Variants in TRRAP observed in about 807,000 individuals in gnomAD.
TRRAP encodes the protein transformation/transcription domain associated protein, also known as transformation/transcription domain-associated protein.
A neutral mutation model predicts 438.8 loss-of-function variants in TRRAP; 41 were observed. That is an observed-to-expected ratio of 0.09 (90% CI 0.07 to 0.12). The LOEUF is 0.12. TRRAP is among the 10% of genes least tolerant of loss of function. The pLI is 1.00. For missense variants in TRRAP, 3,122 were observed against 5,055.1 expected (o/e 0.62, Z 11.60); for synonymous variants, 1,994 against 1,962.9 (o/e 1.02, Z -0.42).
At position 98,903,371 on chromosome 7, in the gene TRRAP, T is replaced by G; in HGVS notation, c.898-8T>G. The G allele has an allele frequency of 1.2e-6, 2 of 1,614,180 alleles. No individual in the cohort carries two copies. Among genetic ancestry groups the G allele is most frequent in the Non-Finnish European group, 8.5e-7 (1 of 1,180,010 alleles). On this transcript the variant is annotated splice_polypyrimidine_tract_variant and splice_region_variant and intron_variant, in intron 11 of 72. Transcript: ENST00000456197. Reference sequence around the variant, plus strand: ...CTGTAACTGTGTCATCTCACTCTGTTCTTACAGGAGTTGGTGACTAAGTAT... The same window carrying G: ...CTGTAACTGTGTCATCTCACTCTGTGCTTACAGGAGTTGGTGACTAAGTAT...
In TRRAP at chr7:98,931,493, C is replaced by G; in HGVS notation, c.3680C>G (p.Ala1227Gly). Residue 1227 changes from alanine (A) to glycine (G), a missense_variant, in exon 26 of 73, where the codon GCC becomes GGC. Physicochemically the swap from Ala to Gly is moderately conservative, Grantham distance 60. This residue lies in a region of TRRAP where 153 missense variants were observed against 223.0 expected (regional missense o/e 0.69). Coordinates refer to ENST00000456197, the MANE Select transcript of TRRAP (RefSeq NM_001375524.1). ...ACGCCTTTAAAAGACGAGGAGAGAG[C>G]CGAAGAGATCGTGGCCGCCCAGGAA... is the stretch of plus-strand genomic sequence containing the variant. ...CATPLKDEERAEEIVAAQEKS... is the reference protein window; with the variant it reads ...CATPLKDEERGEEIVAAQEKS... 6.2e-7 allele frequency: 1 copy of G among 1,614,068 alleles called. No homozygotes were observed. The highest frequency in any genetic ancestry group is 8.5e-7 in the Non-Finnish European group (1 of 1,179,974).
Position 99,005,397 on chromosome 7 carries a change from TG to T in TRRAP, c.10753+53del. On this transcript the variant is annotated intron_variant, in intron 69 of 72. Coordinates refer to ENST00000456197, the MANE Select transcript of TRRAP (RefSeq NM_001375524.1). The surrounding 1 kb of genome is among the most constrained non-coding windows in gnomAD (Gnocchi z 5.1). ...CTGGGTACACAGGCAGCTTCACAGG[TG>T]GGGATGAGAGCCACACCTCGTGGGG... 6.3e-6 allele frequency: 10 copies of T among 1,585,574 alleles called. No individual in the cohort carries two copies. Among genetic ancestry groups the T allele is most frequent in the Non-Finnish European group, 8.7e-6 (10 of 1,156,062 alleles).
rs890393737 is a variant in TRRAP, at chr7:98,932,270, C to T, written c.3852+605C>T. 5.3e-5 allele frequency among the ~76,000 whole-genome samples: 8 copies of T among 152,134 alleles called. No individual in the cohort carries two copies. The South Asian group carries it at 8.3e-4, about 16-fold the overall frequency. ...CTGGGACTACAGGTGCCCACCACCA[C>T]ACCCGGCTAATTTTTTGTATTTTTA... On this transcript the variant is annotated intron_variant, in intron 26 of 72. Coordinates refer to ENST00000456197, the MANE Select transcript of TRRAP (RefSeq NM_001375524.1).
intron 12 of TRRAP, among the ~76,000 whole-genome samples, chr7:98,904,483 C>CAAAAAAAAAAA (rs59353514): frequency 2.2e-5 from 1 of 45,564 alleles, no homozygotes; most frequent in Non-Finnish European, 4.9e-5. Context: ...GACTCTGTCT[C>CAAAAAAAAAAA]AAAAAAAAAA....
Position 98,983,996 on chromosome 7 carries a change from CAT to C in TRRAP, c.9023-96_9023-95del, listed in dbSNP as rs146070894. 2.5e-3 allele frequency: 3,521 copies of C among 1,403,210 alleles called. 49 individuals carry two copies. In the African/African-American group the frequency reaches 0.037, roughly 15 times the overall value. The allele number at this position is 1,403,210 out of a possible 1,614,324, so 86.9% of individuals were successfully genotyped here. On this transcript the variant is annotated intron_variant, in intron 60 of 72. Coordinates refer to ENST00000456197, the MANE Select transcript of TRRAP (RefSeq NM_001375524.1). The stretch of plus-strand genomic sequence containing the variant: ...CACAGAGCTGCCCATTTTCATAAGC[CAT>C]GTGTGTGTGTGTTTCATTTTTTATT...
chr7:98,981,716 C>T (rs1404500399), intron 58 of TRRAP, 53 bp from the exon 59 acceptor site: 2 of 1,535,674 alleles, frequency 1.3e-6, no homozygotes, highest in East Asian at 2.4e-5. Context: ...TGACACTTTA[C>T]ACTGAGGGAA....
intron 52 of TRRAP, 94 bp downstream of exon 52, chr7:98,970,385 C>T (rs1266448671): frequency 9.0e-6 from 13 of 1,445,124 alleles, no homozygotes; most frequent in African/African-American, 1.4e-5. Context: ...AGACCCCGTG[C>T]CCCACGGGCA....
intron 10 of TRRAP, 146 bp downstream of exon 10, chr7:98,899,913 C>A (rs1796396808): frequency 1.3e-6 from 1 of 775,476 alleles, no homozygotes. Context: ...ACCTGTGTTT[C>A]AGGGATGACA....
rs541107244 is a variant in TRRAP, at chr7:98,880,474, C to T, written c.-61-616C>T. 6.6e-4 allele frequency among the ~76,000 whole-genome samples: 100 copies of T among 152,004 alleles called. 1 individual carries two copies. The South Asian group carries it at 0.019, about 29-fold the overall frequency. ...AGATGGGGTTTCATCATGTTGGCTA[C>T]GCTGGTCTGGAACTCCTGACCTCGT... On this transcript the variant is annotated intron_variant, in intron 1 of 72. Transcript: ENST00000456197.
In TRRAP at chr7:98,956,019, T is replaced by G; in HGVS notation, c.5938-127T>G. 8.7e-7 allele frequency: 1 copy of G among 1,153,218 alleles called. No individual in the cohort carries two copies. Among genetic ancestry groups the G allele is most frequent in the Non-Finnish European group, 1.2e-6 (1 of 834,234 alleles). 71.4% of individuals were successfully genotyped at this position (1,153,218 alleles called of 1,614,324 possible). A position where few individuals can be genotyped will look rare whatever the true frequency, so the allele number is the denominator to read the frequency against. On this transcript the variant is annotated intron_variant, in intron 41 of 72. Coordinates refer to ENST00000456197, the MANE Select transcript of TRRAP (RefSeq NM_001375524.1). This position sits in a 1 kb window ranked among gnomAD's most constrained non-coding sequence, Gnocchi z 4.5. ...GGATTCAGAATTCTTGAGCATCAAG[T>G]TGGGCTGTGTGTGTATGTTGGGGCT... is the stretch of plus-strand genomic sequence containing the variant.
chr7:98,962,170 C>A, intron 46 of TRRAP, 132 bp from the exon 47 acceptor site: 6 of 1,374,936 alleles, frequency 4.4e-6, no homozygotes, highest in Non-Finnish European at 5.0e-6. Flanking sequence ...GAGGCCCACA[C>A]TGTCCTGCAG....
At position 98,937,972 on chromosome 7, in the gene TRRAP, C is replaced by T. The variant is rs137930779; in HGVS notation, c.4404+152C>T. On this transcript the variant is annotated intron_variant, in intron 30 of 72. Transcript: ENST00000456197. Reference sequence around the variant, plus strand: ...GGTGGATCGCTTGCAGTTGGGAGTTCGAGACCAGACTGGCCAACATGGTGA... The same window carrying T: ...GGTGGATCGCTTGCAGTTGGGAGTTTGAGACCAGACTGGCCAACATGGTGA... 1.6e-3 allele frequency: 1,253 copies of T among 778,636 alleles called. 26 individuals carry two copies. In the East Asian group the frequency reaches 0.039, roughly 24 times the overall value. 48.2% of individuals were successfully genotyped at this position (778,636 alleles called of 1,614,324 possible).
rs994368426 is a variant in TRRAP, at chr7:98,994,256, C to T, written c.10048-331C>T. ...TGTGTGCACAGTGCACGCAGACACGCGGTGGGAACAGTACAGCTGCCTGAA... is the reference window on the plus strand; with the variant it reads ...TGTGTGCACAGTGCACGCAGACACGTGGTGGGAACAGTACAGCTGCCTGAA... On this transcript the variant is annotated intron_variant, in intron 66 of 72. Transcript: ENST00000456197. This position sits in a 1 kb window ranked among gnomAD's most constrained non-coding sequence, Gnocchi z 4.8. Among the ~76,000 whole-genome samples the T allele has an allele frequency of 1.2e-4, 18 of 152,190 alleles. No individual in the cohort carries two copies. Among genetic ancestry groups the T allele is most frequent in the Admixed American group, 9.8e-4 (15 of 15,284 alleles).
At chr7:98,937,453 A>G (rs1457387729) in intron 29 of TRRAP, among the ~76,000 whole-genome samples, 176 bp downstream of exon 29, 1 of 152,242 alleles carries the variant, frequency 6.6e-6, no homozygotes, top group African/African-American at 2.4e-5. Flanking sequence ...TCATAGTCAT[A>G]CTGAGTTTTT....
intron 11 of TRRAP, 66 bp downstream of exon 11, chr7:98,900,786 G>C: frequency 1.5e-6 from 2 of 1,374,876 alleles, no homozygotes; most frequent in South Asian, 1.3e-5. Flanking sequence ...TTCACCTTTT[G>C]TGGGTGTACA....
chr7:98,931,932 A>AT (rs1417464771), intron 26 of TRRAP, among the ~76,000 whole-genome samples: 30 of 145,326 alleles, frequency 2.1e-4, no homozygotes, highest in South Asian at 6.5e-4. Context: ...TTTTATTTTC[A>AT]TTTTTTTTTT....
At position 98,909,703 on chromosome 7, in the gene TRRAP, C is replaced by T. The variant is rs367927831; in HGVS notation, c.1351-353C>T. Among the ~76,000 whole-genome samples, 42 of 152,300 alleles carry T rather than the reference C, an allele frequency of 2.8e-4. No homozygotes were observed. The East Asian group carries it at 5.2e-3, about 19-fold the overall frequency. ...GAGGCCTGTAGTCCTGGATGAAATC[C>T]AGGCCCTGCTTGTCAGGCCAGTCAC... On this transcript the variant is annotated intron_variant, in intron 14 of 72. Transcript: ENST00000456197.
chr7:98,967,378 T>C, intron 50 of TRRAP, 107 bp from the exon 51 acceptor site: 1 of 1,383,840 alleles, frequency 7.2e-7, no homozygotes, highest in Non-Finnish European at 1.0e-6. Flanking sequence ...CTCTTGGTTT[T>C]CATAGTGGCA....
intron 44 of TRRAP, 38 bp downstream of exon 44, chr7:98,958,129 G>C: frequency 1.3e-6 from 2 of 1,571,396 alleles, no homozygotes; most frequent in Non-Finnish European, 1.7e-6. Flanking sequence ...GGCTTCTGCA[G>C]ACCAGAGGCT....
Sources: gnomAD v4.1 joint callset for allele counts (sites outside exome capture counted in the v4.1 genomes callset) on GRCh38, gnomAD v4.1.1 for gene constraint, gnomAD v4.1.1 regional missense constraint, Gnocchi (gnomAD v3.1) non-coding constraint, MANE v1.5 for transcripts, NCBI Gene and HGNC (gene_info 2026-07-23, HGNC 2026-07-21) for gene names.